The following MYH9 variants were observed in gnomAD, a reference collection of about 807,000 sequenced individuals.
MYH9 encodes the protein myosin heavy chain 9.
In MYH9, 29 loss-of-function variants were observed where a neutral mutation model predicts 241.9. The observed-to-expected ratio is 0.12, with a 90% CI of 0.09 to 0.16. The LOEUF (loss-of-function observed/expected upper bound fraction) is 0.16, where lower values mean the gene tolerates loss of function less well. Among genes scored for constraint, MYH9 ranks in the 10% least tolerant of loss-of-function variants. The pLI is 1.00. For missense variants in MYH9, 1,803 were observed against 2,595.5 expected (o/e 0.69, Z 6.63); for synonymous variants, 1,047 against 1,062.6 (o/e 0.99, Z 0.29).
chr22:36,300,131 G>T lies in MYH9; in HGVS notation c.2972C>A (p.Ala991Asp). ...GGCGACAGCCACGGGCCTCACCTTG[G>T]CCAGCTTGCAGTTCTGGTCCTCCAG... ...IILEDQNCKL[A>D]KEKKLLEDRI... The change falls in exon 23 of 41, where the codon GCC becomes GAC. Residue 991 changes from alanine (A) to aspartate (D), a missense_variant. Coordinates refer to ENST00000216181, the MANE Select transcript of MYH9 (RefSeq NM_002473.6). This position sits in a 1 kb window ranked among gnomAD's most constrained non-coding sequence, Gnocchi z 5.0. 2 of 1,611,250 alleles carry T rather than the reference G, an allele frequency of 1.2e-6. No individual in the cohort carries two copies. The highest frequency in any genetic ancestry group is 8.5e-7 in the Non-Finnish European group (1 of 1,180,008).
intron 3 of MYH9, among the ~76,000 whole-genome samples, chr22:36,331,518 C>G (rs1262530734): frequency 6.6e-6 from 1 of 152,190 alleles, no homozygotes; most frequent in African/African-American, 2.4e-5. Context: ...GGAAGGGGAA[C>G]CTGACCGCAG....
intron 1 of MYH9, among the ~76,000 whole-genome samples, chr22:36,372,882 T>C (rs2018109674): frequency 6.6e-6 from 1 of 151,678 alleles, no homozygotes; most frequent in Non-Finnish European, 1.5e-5. Context: ...GGAGCCGGGG[T>C]TGGGGAACAG....
rs983434046 is a variant in MYH9, at chr22:36,282,278, G to A, written c.*390C>T. ...GGAGGCTGACGACTGCGGGGGCTCCGACTACCAAAAGGCCTCAGTCTGAAG... is the reference window on the plus strand; with the variant it reads ...GGAGGCTGACGACTGCGGGGGCTCCAACTACCAAAAGGCCTCAGTCTGAAG... On this transcript the variant is annotated 3_prime_UTR_variant, in exon 41 of 41. Transcript: ENST00000216181. The A allele has an allele frequency of 3.4e-5, 13 of 387,536 alleles. No homozygotes were observed. Among genetic ancestry groups the A allele is most frequent in the African/African-American group, 1.4e-4 (7 of 50,164 alleles). The allele number at this position is 387,536 out of a possible 1,614,324, so 24.0% of individuals were successfully genotyped here.
rs545236706 is a variant in MYH9 at position 36,344,624 on chromosome 22, G to A, written c.334-3098C>T. On this transcript the variant is annotated intron_variant, in intron 2 of 40. Coordinates refer to ENST00000216181, the MANE Select transcript of MYH9 (RefSeq NM_002473.6). The stretch of plus-strand genomic sequence containing the variant: ...GAGAGGCAGGAGGAACTGCACACCA[G>A]AGGTGACAGCAAGGAAGCAAAAATG... 2.9e-4 allele frequency among the ~76,000 whole-genome samples: 44 copies of A among 152,352 alleles called. 1 individual carries two copies. In the South Asian group the frequency reaches 7.5e-3, roughly 26 times the overall value.
intron 31 of MYH9, 115 bp downstream of exon 31, chr22:36,291,871 G>A (rs1048367315): frequency 9.2e-6 from 14 of 1,520,414 alleles, no homozygotes; most frequent in South Asian, 2.3e-5. Context: ...GGCCCCGCAC[G>A]GCCCCTCCCC....
intron 12 of MYH9, among the ~76,000 whole-genome samples, chr22:36,315,803 A>T (rs965326332): frequency 6.6e-6 from 1 of 151,900 alleles, no homozygotes; most frequent in African/African-American, 2.4e-5. Context: ...TTTCTGGTTG[A>T]AAATGAGCCC....
At chr22:36,309,239 C>G (rs1377894559) in intron 15 of MYH9, 43 bp downstream of exon 15, 2 of 1,538,576 alleles carry the variant, frequency 1.3e-6, no homozygotes, top group South Asian at 1.1e-5. Flanking sequence ...AGATGACCAG[C>G]CGCAGCCAAG....
intron 2 of MYH9, among the ~76,000 whole-genome samples, chr22:36,343,937 A>G (rs913895949): frequency 7.2e-5 from 11 of 152,224 alleles, no homozygotes; most frequent in African/African-American, 2.7e-4. Context: ...AACCAAGGAC[A>G]CGTGGTCGCA....
intron 1 of MYH9, among the ~76,000 whole-genome samples, chr22:36,351,315 G>C (rs917071134): frequency 2.6e-5 from 4 of 152,164 alleles, no homozygotes; most frequent in Non-Finnish European, 4.4e-5. Context: ...ACAGACCCTT[G>C]TGGGGGCCAG....
chr22:36,326,511 C>T (rs1239539788), intron 5 of MYH9, 57 bp downstream of exon 5: 60 of 1,460,508 alleles, frequency 4.1e-5, no homozygotes, highest in Non-Finnish European at 5.1e-5. Flanking sequence ...TGCTCTTCCT[C>T]CATCATCCCA....
chr22:36,376,565 C>T (rs1398737150), intron 1 of MYH9, among the ~76,000 whole-genome samples: 1 of 152,196 alleles, frequency 6.6e-6, no homozygotes, highest in Non-Finnish European at 1.5e-5. Context: ...CTTAGGGAGT[C>T]TCTGCGGACT....
chr22:36,323,036 T>A (rs1041556374), intron 5 of MYH9, among the ~76,000 whole-genome samples: 3 of 152,178 alleles, frequency 2.0e-5, no homozygotes, highest in African/African-American at 7.2e-5. Context: ...TACCAGCCCC[T>A]CCACTGCCGC....
chr22:36,322,021 G>A, intron 6 of MYH9, 200 bp from the exon 7 acceptor site: 1 of 624,584 alleles, frequency 1.6e-6, no homozygotes. Flanking sequence ...GCGCCACACT[G>A]CCTAAGGCCA....
intron 1 of MYH9, among the ~76,000 whole-genome samples, chr22:36,376,389 A>T (rs940802770): frequency 6.6e-6 from 1 of 152,010 alleles, no homozygotes; most frequent in Admixed American, 6.5e-5. Context: ...CCAGGAACCT[A>T]GCTCAAGATG....
Position 36,306,333 on chromosome 22 carries a change from G to A in MYH9, c.2037+81C>T. On this transcript the variant is annotated intron_variant, in intron 16 of 40. Transcript: ENST00000216181. The surrounding 1 kb of genome is among the most constrained non-coding windows in gnomAD (Gnocchi z 4.1). ...GTGCATGCTGGGGGGCTGGAGGGGT[G>A]CTTTTGCTGGGGAGACAGACAAGGG... 6.4e-7 allele frequency: 1 copy of A among 1,560,252 alleles called. No homozygotes were observed. Among genetic ancestry groups the A allele is most frequent in the Non-Finnish European group, 8.8e-7 (1 of 1,142,460 alleles).
intron 14 of MYH9, among the ~76,000 whole-genome samples, chr22:36,311,813 C>T (rs888265630): frequency 2.6e-5 from 4 of 152,216 alleles, no homozygotes; most frequent in Admixed American, 1.3e-4. Flanking sequence ...CCAGCCTGGG[C>T]ACCGCGGTGG....
rs1293465181 is a variant in MYH9 at position 36,306,608 on chromosome 22, C to T, written c.1844-1G>A. 6.2e-7 allele frequency: 1 copy of T among 1,611,748 alleles called. No individual in the cohort carries two copies. On this transcript the variant is annotated splice_acceptor_variant, in intron 15 of 40. Coordinates refer to ENST00000216181, the MANE Select transcript of MYH9 (RefSeq NM_002473.6). LOFTEE classifies it high-confidence loss of function. The surrounding 1 kb of genome is among the most constrained non-coding windows in gnomAD (Gnocchi z 4.1). ...TGGTCCAGGCCGATGATGCGGTCCA[C>T]TGTGGAGACCACAGAGAACACGTGA...
chr22:36,293,825 G>T lies in MYH9; in HGVS notation c.3876C>A (p.Ser1292=), dbSNP rs747334129. The stretch of plus-strand genomic sequence containing the variant: ...TGGTGAGCTTGCTGGACTTGCTGTC[G>T]GACTGGCTGAGAAGCCCGGTCACGT... The part of the protein sequence containing the change: ...LDNVTGLLSQ[S]DSKSSKLTKD... The change falls in exon 29 of 41, where the codon TCC becomes TCA. Residue 1292 remains serine, a synonymous_variant. Transcript: ENST00000216181. This position sits in a 1 kb window ranked among gnomAD's most constrained non-coding sequence, Gnocchi z 5.1. The T allele has an allele frequency of 3.7e-6, 6 of 1,613,798 alleles. No individual in the cohort carries two copies. The highest frequency in any genetic ancestry group is 1.1e-5 in the South Asian group (1 of 91,058).
intron 1 of MYH9, among the ~76,000 whole-genome samples, chr22:36,352,679 T>A (rs1481734963): frequency 6.6e-6 from 1 of 152,146 alleles, no homozygotes; most frequent in African/African-American, 2.4e-5. Flanking sequence ...TGGTGTCCAC[T>A]TGAAGACTAG....
Sources: gnomAD v4.1 joint callset for allele counts (sites outside exome capture counted in the v4.1 genomes callset) on GRCh38, gnomAD v4.1.1 for gene constraint, Gnocchi (gnomAD v3.1) non-coding constraint, MANE v1.5 for transcripts, NCBI Gene and HGNC (gene_info 2026-07-23, HGNC 2026-07-21) for gene names.